PCDHGA8: variants seen among roughly 807,000 people sequenced by gnomAD.
PCDHGA8 encodes the protein protocadherin gamma subfamily A, 8.
In PCDHGA8, 45 loss-of-function variants were observed where a neutral mutation model predicts 59.2. The observed-to-expected ratio is 0.76, with a 90% CI of 0.60 to 0.98. The LOEUF (loss-of-function observed/expected upper bound fraction) is 0.98. PCDHGA8 is among the 50% of genes least tolerant of loss of function. The pLI is 0.00. For synonymous variants in PCDHGA8, 531 were observed against 519.0 expected, an observed-to-expected ratio of 1.02 and a Z score of -0.32; for missense variants, 1,257 against 1,196.2, an observed-to-expected ratio of 1.05 and a Z score of -0.75.
At chr5:141,447,178 C>T (rs1258561542) in intron 1 of PCDHGA8, among the ~76,000 whole-genome samples, 2 of 152,094 alleles carry the variant, frequency 1.3e-5, no homozygotes, top group Middle Eastern at 3.4e-3. Context: ...TTGCTCTTGT[C>T]GCGCAGGCTG....
chr5:141,410,664 A>G, intron 1 of PCDHGA8: 1 of 1,570,058 alleles, frequency 6.4e-7, no homozygotes, highest in Non-Finnish European at 8.6e-7. Context: ...ATAGTCTACT[A>G]GTTTCTCATA....
intron 1 of PCDHGA8, among the ~76,000 whole-genome samples, chr5:141,457,424 C>T (rs1261475379): frequency 6.6e-6 from 1 of 152,068 alleles, no homozygotes; most frequent in Non-Finnish European, 1.5e-5. Context: ...TCCCTTTTTC[C>T]CCCCCACCAA....
chr5:141,494,926 G>T, intron 2 of PCDHGA8, 61 bp downstream of exon 2: 1 of 1,613,498 alleles, frequency 6.2e-7, no homozygotes, highest in Non-Finnish European at 8.5e-7. Flanking sequence ...GGATGACGTG[G>T]GAGGAGATGG....
chr5:141,397,700 G>A (rs2093557870), intron 1 of PCDHGA8, among the ~76,000 whole-genome samples: 2 of 152,224 alleles, frequency 1.3e-5, no homozygotes, highest in Admixed American at 1.3e-4. Flanking sequence ...AAAACCCAAC[G>A]TGATATTTCT....
intron 1 of PCDHGA8, among the ~76,000 whole-genome samples, chr5:141,494,361 G>A (rs1311268562): frequency 6.6e-6 from 1 of 152,184 alleles, no homozygotes; most frequent in African/African-American, 2.4e-5. Flanking sequence ...TGCTGCAGAG[G>A]ATGCTTTGTT....
At chr5:141,460,924 A>ATATG (rs1561985817) in intron 1 of PCDHGA8, among the ~76,000 whole-genome samples, 10 of 150,588 alleles carry the variant, frequency 6.6e-5, no homozygotes, top group East Asian at 3.9e-4. Flanking sequence ...ATATATATAT[A>ATATG]TGTGTGTGTG....
chr5:141,420,918 C>T (rs2096532512), intron 1 of PCDHGA8: 1 of 331,946 alleles, frequency 3.0e-6, no homozygotes, highest in South Asian at 6.4e-5. Flanking sequence ...GTGTGATTCA[C>T]AAAGGTGAGC....
chr5:141,400,590 T>A, intron 1 of PCDHGA8: 3 of 1,604,846 alleles, frequency 1.9e-6, no homozygotes, highest in Non-Finnish European at 2.6e-6. Context: ...CATGAAACTA[T>A]CGTACATTTT....
rs758463890 is a variant in PCDHGA8 at position 141,394,966 on chromosome 5, G to A, written c.2153G>A (p.Arg718His). Residue 718 changes from arginine to histidine, a missense_variant, in exon 1 of 4, where the codon CGC becomes CAC. Arg to His is a conservative substitution (Grantham distance 29, BLOSUM62 0). Coordinates refer to ENST00000398604, the MANE Select transcript of PCDHGA8 (RefSeq NM_032088.2). The part of the protein sequence containing the change: ...VAVLLGLRLR[R>H]WHKSRLLQDS... ...GTGCTTCTGGGGCTCAGGCTGAGGCGCTGGCACAAGTCACGCCTGCTCCAG... is the reference window on the plus strand; with the variant it reads ...GTGCTTCTGGGGCTCAGGCTGAGGCACTGGCACAAGTCACGCCTGCTCCAG... 11 of 1,613,768 alleles carry A rather than the reference G, an allele frequency of 6.8e-6. No homozygotes were observed. In the African/African-American group the frequency reaches 9.3e-5, roughly 14 times the overall value.
chr5:141,427,887 C>G, intron 1 of PCDHGA8: 1 of 1,565,908 alleles, frequency 6.4e-7, no homozygotes, highest in South Asian at 1.1e-5. Flanking sequence ...GGCCCACGAC[C>G]AGGGCTCGCC....
rs1007318194 is a variant in PCDHGA8, at chr5:141,512,035, T to G, written c.*862T>G. On this transcript the variant is annotated 3_prime_UTR_variant, in exon 4 of 4. Coordinates refer to ENST00000398604, the MANE Select transcript of PCDHGA8 (RefSeq NM_032088.2). ...AAGTTATCAAGGCCTTGGAGGAGGC[T>G]CTGTATGTCCTCAGGGGACTGACAA... 1.3e-5 allele frequency: 2 copies of G among 152,870 alleles called. No individual in the cohort carries two copies. Among genetic ancestry groups the G allele is most frequent in the African/African-American group, 4.8e-5 (2 of 41,464 alleles). The allele number at this position is 152,870 out of a possible 1,614,324, so 9.5% of individuals were successfully genotyped here.
At chr5:141,456,020 C>A (rs2098840631) in intron 1 of PCDHGA8, among the ~76,000 whole-genome samples, 2 of 151,952 alleles carry the variant, frequency 1.3e-5, no homozygotes, top group South Asian at 4.2e-4. Flanking sequence ...GCCTCAGCCT[C>A]CCGAGTAGCT....
chr5:141,470,479 C>T (rs2099231547), intron 1 of PCDHGA8, among the ~76,000 whole-genome samples: 1 of 152,078 alleles, frequency 6.6e-6, no homozygotes, highest in African/African-American at 2.4e-5. Flanking sequence ...ATTACTAACC[C>T]TCTGGGAATA....
intron 1 of PCDHGA8, among the ~76,000 whole-genome samples, chr5:141,480,272 G>T (rs903112862): frequency 7.2e-6 from 1 of 138,796 alleles, no homozygotes; most frequent in Non-Finnish European, 1.5e-5. Flanking sequence ...TTCATTAGCT[G>T]GGTGTGTTGG....
intron 3 of PCDHGA8, among the ~76,000 whole-genome samples, chr5:141,505,995 C>T (rs1041284805): frequency 5.3e-5 from 8 of 152,142 alleles, no homozygotes; most frequent in African/African-American, 1.4e-4. Flanking sequence ...CCTCTTTATG[C>T]GAGGCTCCTC....
intron 1 of PCDHGA8, among the ~76,000 whole-genome samples, chr5:141,451,780 C>T (rs988572200): frequency 6.6e-6 from 1 of 152,016 alleles, no homozygotes; most frequent in Non-Finnish European, 1.5e-5. Flanking sequence ...ACTCAGGAGG[C>T]TGAGGCCAGA....
intron 1 of PCDHGA8, chr5:141,427,503 A>C (rs1317684577): frequency 6.9e-6 from 4 of 578,118 alleles, no homozygotes; most frequent in Non-Finnish European, 9.8e-6. Flanking sequence ...AACAGATGGG[A>C]CCCTGGATTG....
chr5:141,421,697 A>T (rs750973568), intron 1 of PCDHGA8: 8 of 1,613,924 alleles, frequency 5.0e-6, no homozygotes, highest in Non-Finnish European at 6.8e-6. Context: ...GCTCTTCCTA[A>T]TGCTAGGGAT....
At chr5:141,400,400 C>A (rs375490385) in intron 1 of PCDHGA8, 2 of 1,614,000 alleles carry the variant, frequency 1.2e-6, no homozygotes, top group Admixed American at 3.3e-5. Flanking sequence ...ACAGGAAAGA[C>A]GGAGTTTAAT....
Sources: gnomAD v4.1 joint callset for allele counts (sites outside exome capture counted in the v4.1 genomes callset) on GRCh38, gnomAD v4.1.1 for gene constraint, MANE v1.5 for transcripts, NCBI Gene and HGNC (gene_info 2026-07-23, HGNC 2026-07-21) for gene names.